Variants in MCF2L observed in about 807,000 individuals in gnomAD.
MCF2L encodes MCF.2 cell line derived transforming sequence like.
MCF2L carries 97 observed loss-of-function variants against 153.4 expected under a neutral mutation model. The observed-to-expected ratio is 0.63, with a 90% CI of 0.54 to 0.75. The LOEUF is 0.75. MCF2L is among the 30% of genes least tolerant of loss of function. The probability of loss-of-function intolerance (pLI) is 0.00; values close to 1 mark genes in which losing one functional copy is unlikely to be tolerated. For synonymous variants in MCF2L, 659 were observed against 632.2 expected (o/e 1.04, Z -0.64); for missense variants, 1,347 against 1,495.2 (o/e 0.90, Z 1.64).
At chr13:112,899,734 C>T (rs759967321) in intron 1 of MCF2L, among the ~76,000 whole-genome samples, 2 of 152,190 alleles carry the variant, frequency 1.3e-5, no homozygotes, top group East Asian at 1.9e-4. Flanking sequence ...GCACCTGCTG[C>T]GGAAGAGGAT....
intron 5 of MCF2L, among the ~76,000 whole-genome samples, chr13:113,061,013 A>G (rs999004121): frequency 6.6e-6 from 1 of 151,856 alleles, no homozygotes; most frequent in Non-Finnish European, 1.5e-5. Flanking sequence ...TACCCCCAGG[A>G]GAACTACAGA....
chr13:113,027,000 C>G, intron 3 of MCF2L: 1 of 779,100 alleles, frequency 1.3e-6, no homozygotes, highest in East Asian at 2.4e-5. Flanking sequence ...TCACACCAGA[C>G]AGTGTAGTTG....
At chr13:113,089,790 C>T (rs1406219947) in intron 26 of MCF2L, 62 bp downstream of exon 26, 8 of 1,593,206 alleles carry the variant, frequency 5.0e-6, no homozygotes, top group Middle Eastern at 3.3e-4. Context: ...TCACGGAGTG[C>T]TCACTGCATC....
intron 2 of MCF2L, among the ~76,000 whole-genome samples, chr13:112,923,255 T>A (rs1373265979): frequency 2.3e-5 from 3 of 133,310 alleles, no homozygotes; most frequent in Non-Finnish European, 4.7e-5. Flanking sequence ...CAGTGTTTGC[T>A]TCTTTTTTTT....
intron 2 of MCF2L, among the ~76,000 whole-genome samples, chr13:112,950,586 A>C (rs2081682109): frequency 6.6e-6 from 1 of 152,226 alleles, no homozygotes; most frequent in Non-Finnish European, 1.5e-5. Context: ...AAATATGCCC[A>C]ACTGATTTTT....
intron 1 of MCF2L, among the ~76,000 whole-genome samples, chr13:112,895,531 C>T (rs2081058808): frequency 6.6e-6 from 1 of 152,130 alleles, no homozygotes; most frequent in South Asian, 2.1e-4. Context: ...GCCCCCAGGA[C>T]TCCTAACATG....
Position 113,046,276 on chromosome 13 carries a change from C to T in MCF2L, c.369+915C>T. The T allele has an allele frequency of 4.0e-6, 1 of 246,924 alleles. No homozygotes were observed. Among genetic ancestry groups the T allele is most frequent in the South Asian group, 4.6e-5 (1 of 21,692 alleles). 15.3% of individuals were successfully genotyped at this position (246,924 alleles called of 1,614,324 possible). A position where few individuals can be genotyped will look rare whatever the true frequency, so the allele number is the denominator to read the frequency against. ...AGGACCAAAAAAGGCTGCCTGTCTG[C>T]CAAGAGGTGACCCAGAGCCTGGGTC... On this transcript the variant is annotated intron_variant, in intron 4 of 29. Coordinates refer to ENST00000535094, the MANE Select transcript of MCF2L (RefSeq NM_001112732.3). The surrounding 1 kb of genome is among the most constrained non-coding windows in gnomAD (Gnocchi z 4.4).
At chr13:112,909,314 G>T (rs532267937) in intron 2 of MCF2L, 125 of 779,744 alleles carry the variant, frequency 1.6e-4, no homozygotes, top group Admixed American at 9.3e-4. Flanking sequence ...GCACTCGGCA[G>T]TGTGAGTACA....
chr13:113,009,081 C>G (rs999895450), intron 1 of MCF2L: 2 of 152,296 alleles, frequency 1.3e-5, no homozygotes, highest in Non-Finnish European at 2.9e-5. Context: ...GCCCGAGGCG[C>G]AAACTGTCTC....
Position 112,907,562 on chromosome 13 carries a change from C to T in MCF2L, c.169+5191C>T, listed in dbSNP as rs562521182. ...TGTAGTTGTGCATTCGTGAATCTGA[C>T]GGGGGAAGATGTGTTTCTTCACATC... On this transcript the variant is annotated intron_variant, in intron 2 of 29. Transcript: ENST00000375608. This position sits in a 1 kb window ranked among gnomAD's most constrained non-coding sequence, Gnocchi z 5.1. 6.6e-6 allele frequency among the ~76,000 whole-genome samples: 1 copy of T among 152,052 alleles called. No homozygotes were observed. Among genetic ancestry groups the T allele is most frequent in the African/African-American group, 2.4e-5 (1 of 41,418 alleles).
At chr13:113,080,987 G>A (rs540141996) in intron 15 of MCF2L, among the ~76,000 whole-genome samples, 11 of 152,312 alleles carry the variant, frequency 7.2e-5, no homozygotes, top group Admixed American at 2.0e-4. Context: ...AGACACTGCC[G>A]GCCAGTCTGG....
intron 3 of MCF2L, chr13:113,044,476 CCTAGGACATGTTCAGAGA>C: frequency 1.5e-6 from 1 of 659,900 alleles, no homozygotes; most frequent in Non-Finnish European, 2.5e-6. Context: ...TTCATGTAAA[CCTAGGACATGTTCAGAGA>C]CTTGGAAGTT....
chr13:112,984,735 GTTC>G (rs2082567413), intron 1 of MCF2L, among the ~76,000 whole-genome samples: 1 of 151,958 alleles, frequency 6.6e-6, no homozygotes, highest in Non-Finnish European at 1.5e-5. Context: ...AACAAAAGCT[GTTC>G]TTCTGGGAGG....
Position 112,940,466 on chromosome 13 carries a change from G to A in MCF2L, c.169+38095G>A, listed in dbSNP as rs527673812. Among the ~76,000 whole-genome samples, 38 of 152,346 alleles carry A rather than the reference G, an allele frequency of 2.5e-4. No homozygotes were observed. The South Asian group carries it at 7.9e-3, about 32-fold the overall frequency. On this transcript the variant is annotated intron_variant, in intron 2 of 29. Coordinates refer to the MCF2L transcript ENST00000375608. ...ACTTCCCGTGGTCGGGTGGGGCGGG[G>A]AAGGCCCTGAGGCGCTGCCGGCTGT... is the stretch of plus-strand genomic sequence containing the variant.
At chr13:113,048,089 C>T (rs7323676) in intron 4 of MCF2L, among the ~76,000 whole-genome samples, 80,625 of 152,098 alleles carry the variant, frequency 0.53, 21,600 homozygotes, top group African/African-American at 0.58. Context: ...GCGAGGTCAC[C>T]CTACAGGATA....
chr13:113,095,532 T>C, intron 27 of MCF2L: 4 of 1,030,576 alleles, frequency 3.9e-6, no homozygotes, highest in Non-Finnish European at 4.7e-6. Context: ...CTGGCTACTC[T>C]GGGCACCACA....
rs1387610105 is a variant in MCF2L, at chr13:113,060,718, T to C, written c.489+6T>C. The C allele has an allele frequency of 5.0e-6, 8 of 1,612,100 alleles. No homozygotes were observed. Among genetic ancestry groups the C allele is most frequent in the Non-Finnish European group, 6.8e-6 (8 of 1,179,716 alleles). ...ACTTTAAGATGAAGGTGCCGGTAAGTGCGCCCCGCCTCCATCCTGCGGTAG... is the reference window on the plus strand; with the variant it reads ...ACTTTAAGATGAAGGTGCCGGTAAGCGCGCCCCGCCTCCATCCTGCGGTAG... On this transcript the variant is annotated splice_donor_region_variant and intron_variant, in intron 5 of 29. Coordinates refer to ENST00000535094, the MANE Select transcript of MCF2L (RefSeq NM_001112732.3).
chr13:113,066,889 T>C (rs909537332), intron 8 of MCF2L, among the ~76,000 whole-genome samples: 3 of 152,226 alleles, frequency 2.0e-5, no homozygotes, highest in Non-Finnish European at 4.4e-5. Flanking sequence ...GCTGGTCCTT[T>C]TGACTCTCAG....
chr13:113,089,872 C>T (rs747822582), intron 26 of MCF2L, 144 bp downstream of exon 26: 52 of 1,612,944 alleles, frequency 3.2e-5, no homozygotes, highest in Non-Finnish European at 3.6e-5. Context: ...CCCCTCTTAA[C>T]AGAGCCCTAG....
Sources: gnomAD v4.1 joint callset for allele counts (sites outside exome capture counted in the v4.1 genomes callset) on GRCh38, gnomAD v4.1.1 for gene constraint, Gnocchi (gnomAD v3.1) non-coding constraint, MANE v1.5 for transcripts, NCBI Gene and HGNC (gene_info 2026-07-23, HGNC 2026-07-21) for gene names.